Variants in RIPOR2 observed in about 807,000 individuals in gnomAD.
RIPOR2 encodes the protein RHO family interacting cell polarization regulator 2.
RIPOR2 carries 39 observed loss-of-function variants against 114.5 expected under a neutral mutation model. The ratio of observed to expected loss-of-function variants is 0.34; its 90% confidence interval spans 0.26 to 0.44. The LOEUF (loss-of-function observed/expected upper bound fraction) is 0.44. Ranked by LOEUF, RIPOR2 falls within the 20% of genes least tolerant of loss-of-function variation. The pLI, the probability that RIPOR2 is intolerant of heterozygous loss-of-function variation, is 1.00. For synonymous variants in RIPOR2, 445 were observed against 484.4 expected (o/e 0.92, Z 1.07); for missense variants, 1,007 against 1,255.1 (o/e 0.80, Z 2.99).
rs191738697 is a variant in RIPOR2 at position 24,848,304 on chromosome 6, A to G, written c.1035-150T>C. The G allele has an allele frequency of 1.7e-3, 1,331 of 783,664 alleles. 4 individuals are homozygous for G. The highest frequency in any genetic ancestry group is 3.3e-3 in the Admixed American group (106 of 32,454). 48.5% of individuals were successfully genotyped at this position (783,664 alleles called of 1,614,324 possible). The stretch of plus-strand genomic sequence containing the variant: ...GTTTTAGCTAAACTGCTTTGCAGAA[A>G]ATAAACCTGGATAAAAGAAAAGTGG... On this transcript the variant is annotated intron_variant, in intron 11 of 21. Transcript: ENST00000643898.
intron 19 of RIPOR2, among the ~76,000 whole-genome samples, chr6:24,824,472 A>T (rs1420571207): frequency 1.3e-5 from 2 of 152,202 alleles, no homozygotes; most frequent in Non-Finnish European, 2.9e-5. Flanking sequence ...TCTTGAGCTG[A>T]TCTGGATTTT....
chr6:25,020,374 A>G (rs1333936128), intron 1 of RIPOR2, among the ~76,000 whole-genome samples: 2 of 152,220 alleles, frequency 1.3e-5, no homozygotes, highest in African/African-American at 2.4e-5. Context: ...CCTTCCTGAG[A>G]TAGGTTATAT....
intron 15 of RIPOR2, 70 bp downstream of exon 15, chr6:24,835,633 A>G: frequency 6.8e-7 from 1 of 1,465,360 alleles, no homozygotes; most frequent in Admixed American, 2.0e-5. Context: ...GCAACACTAA[A>G]AAATGAAAGC....
chr6:24,985,414 G>C (rs1257075938), intron 1 of RIPOR2, among the ~76,000 whole-genome samples: 1 of 151,962 alleles, frequency 6.6e-6, no homozygotes, highest in African/African-American at 2.4e-5. Context: ...GGCTGCAAGT[G>C]ATCAAAATCT....
chr6:24,958,991 G>A (rs1441981817), intron 1 of RIPOR2, among the ~76,000 whole-genome samples: 2 of 120,750 alleles, frequency 1.7e-5, no homozygotes, highest in Non-Finnish European at 3.3e-5. Context: ...TCACCCTGTC[G>A]CCCAGGCTGG....
chr6:24,956,070 T>A (rs1166116078), intron 1 of RIPOR2, among the ~76,000 whole-genome samples: 1 of 151,866 alleles, frequency 6.6e-6, no homozygotes, highest in East Asian at 1.9e-4. Flanking sequence ...ATATCCATAT[T>A]GAAAATGTTA....
chr6:24,808,681 G>A (rs1780930714), intron 21 of RIPOR2, among the ~76,000 whole-genome samples: 1 of 151,800 alleles, frequency 6.6e-6, no homozygotes, highest in Admixed American at 6.6e-5. Context: ...TATGTCTGAG[G>A]ATTTCTAGGA....
intron 1 of RIPOR2, among the ~76,000 whole-genome samples, chr6:24,987,432 T>G (rs1411104342): frequency 6.6e-6 from 1 of 152,182 alleles, no homozygotes; most frequent in African/African-American, 2.4e-5. Flanking sequence ...AAAATTACCT[T>G]GATGCAACAG....
intron 12 of RIPOR2, among the ~76,000 whole-genome samples, chr6:24,845,852 G>A (rs78458021): frequency 0.022 from 3,280 of 152,194 alleles, 123 homozygotes; most frequent in African/African-American, 0.072. Context: ...GAGGAAGTGC[G>A]TTCTAGAAGG....
At chr6:24,847,143 G>A (rs1341581512) in intron 12 of RIPOR2, among the ~76,000 whole-genome samples, 3 of 152,104 alleles carry the variant, frequency 2.0e-5, no homozygotes, top group Non-Finnish European at 4.4e-5. Context: ...AGTAGAGGCA[G>A]GGTTTGACCA....
chr6:24,973,380 A>G (rs955380463), intron 1 of RIPOR2, among the ~76,000 whole-genome samples: 1 of 152,102 alleles, frequency 6.6e-6, no homozygotes, highest in Admixed American at 6.5e-5. Context: ...AGGCGGGTGG[A>G]TCACAAGGTC....
rs547422042 is a variant in RIPOR2, at chr6:24,835,941, T to C, written c.2040-70A>G. On this transcript the variant is annotated intron_variant, in intron 14 of 21. Transcript: ENST00000643898. ...AAACCACAGGTCAAGTCCACATGGT[T>C]TGCATCGGGCCCCAACAGCACCCAC... is the stretch of plus-strand genomic sequence containing the variant. 36 of 1,459,908 alleles carry C rather than the reference T, an allele frequency of 2.5e-5. No individual in the cohort carries two copies. The African/African-American group carries it at 4.5e-4, about 18-fold the overall frequency. 90.4% of individuals were successfully genotyped at this position (1,459,908 alleles called of 1,614,324 possible). A position where few individuals can be genotyped will look rare whatever the true frequency, so the allele number is the denominator to read the frequency against.
chr6:24,805,416 G>T lies in RIPOR2; in HGVS notation c.*957C>A, dbSNP rs1780712209. The T allele has an allele frequency of 6.6e-6, 1 of 150,956 alleles. No individual in the cohort carries two copies. Among genetic ancestry groups the T allele is most frequent in the African/African-American group, 2.4e-5 (1 of 41,038 alleles). 9.4% of individuals were successfully genotyped at this position (150,956 alleles called of 1,614,324 possible). ...TTTTTTGTTTTTTTTTTTGAGACTG[G>T]CTCTCATTCCTCTGTCACATGGGCT... On this transcript the variant is annotated 3_prime_UTR_variant, in exon 22 of 22. Coordinates refer to ENST00000643898, the MANE Select transcript of RIPOR2 (RefSeq NM_001286445.3).
At chr6:24,875,258 G>A (rs1392838586) in intron 2 of RIPOR2, among the ~76,000 whole-genome samples, 1 of 152,242 alleles carries the variant, frequency 6.6e-6, no homozygotes, top group African/African-American at 2.4e-5. Flanking sequence ...TTTCAGATGA[G>A]AGGAGATTCA....
intron 1 of RIPOR2, among the ~76,000 whole-genome samples, chr6:24,946,089 A>T (rs918089367): frequency 4.7e-5 from 7 of 149,354 alleles, no homozygotes; most frequent in Admixed American, 6.7e-5. Context: ...TTTTTAATTA[A>T]TTTTTTTTTT....
chr6:24,917,811 G>A (rs942756192), intron 1 of RIPOR2, among the ~76,000 whole-genome samples: 11 of 152,196 alleles, frequency 7.2e-5, no homozygotes, highest in Non-Finnish European at 1.3e-4. Flanking sequence ...TTATAGGCGT[G>A]AGCCACCACG....
chr6:24,913,725 CT>C (rs1471022834), intron 1 of RIPOR2, among the ~76,000 whole-genome samples: 1 of 152,216 alleles, frequency 6.6e-6, no homozygotes, highest in Non-Finnish European at 1.5e-5. Flanking sequence ...TTAATTTCTG[CT>C]TGCGCCCATT....
At chr6:24,977,716 T>G (rs1045353424) in intron 1 of RIPOR2, among the ~76,000 whole-genome samples, 2 of 152,142 alleles carry the variant, frequency 1.3e-5, no homozygotes, top group Non-Finnish European at 2.9e-5. Context: ...GCCCTGATGT[T>G]TTGTTGGTTT....
chr6:24,954,082 G>C (rs746128121), intron 1 of RIPOR2, among the ~76,000 whole-genome samples: 1 of 152,106 alleles, frequency 6.6e-6, no homozygotes, highest in Non-Finnish European at 1.5e-5. Context: ...TGTTGTTGAA[G>C]CCACCAGGGC....
Sources: allele counts gnomAD v4.1 joint callset (sites outside exome capture counted in the v4.1 genomes callset), GRCh38; gene constraint gnomAD v4.1.1; transcripts MANE v1.5; gene names NCBI Gene and HGNC (gene_info 2026-07-23, HGNC 2026-07-21).